The following TMPRSS9 variants were observed in gnomAD, a reference collection of about 807,000 sequenced individuals.
TMPRSS9 encodes the protein transmembrane protease serine 9.
Under a neutral mutation model 111.4 loss-of-function variants are expected in TMPRSS9, and 113 were observed. That is an observed-to-expected ratio of 1.01 (90% confidence interval 0.87 to 1.19). TMPRSS9 has a LOEUF of 1.19. TMPRSS9 is among the 50% of genes most tolerant of loss of function. TMPRSS9 has a pLI of 0.00. For missense variants in TMPRSS9, 1,803 were observed against 1,513.1 expected (o/e 1.19, Z -3.18); for synonymous variants, 805 against 659.1 (o/e 1.22, Z -3.39).
At chr19:2,371,643 G>A (rs1473050961) in intron 1 of TMPRSS9, among the ~76,000 whole-genome samples, 1 of 151,990 alleles carries the variant, frequency 6.6e-6, no homozygotes, top group East Asian at 1.9e-4. Context: ...GTTGCAGCGA[G>A]CCAACATCGT....
Position 2,396,676 on chromosome 19 carries a change from G to C in TMPRSS9, c.270+10G>C, listed in dbSNP as rs1393916783. The C allele has an allele frequency of 6.2e-7, 1 of 1,602,466 alleles. No individual in the cohort carries two copies. Among genetic ancestry groups the C allele is most frequent in the Non-Finnish European group, 8.5e-7 (1 of 1,172,606 alleles). ...CACCCTGGAGGCACTGGTGAGGGTGGTCTGTGTTTGGGGGCCAGGGAGGAA... is the reference window on the plus strand; with the variant it reads ...CACCCTGGAGGCACTGGTGAGGGTGCTCTGTGTTTGGGGGCCAGGGAGGAA... On this transcript the variant is annotated intron_variant, in intron 2 of 17. Transcript: ENST00000648592.
intron 9 of TMPRSS9, 78 bp from the exon 11 acceptor site, chr19:2,413,622 T>C: frequency 6.7e-7 from 1 of 1,486,852 alleles, no homozygotes; most frequent in South Asian, 1.3e-5. Flanking sequence ...AGCTCAGAGC[T>C]CCTTCTTGGG....
At chr19:2,418,359 C>T (rs201911388) in intron 13 of TMPRSS9, among the ~76,000 whole-genome samples, 751 of 26,232 alleles carry the variant, frequency 0.029, 33 homozygotes, top group East Asian at 0.069. Context: ...CCCTCCCTCC[C>T]TCCCTTCCCT....
chr19:2,422,002 TC>T lies in TMPRSS9; in HGVS notation c.2304del (p.Met769CysfsTer46). Reference sequence around the variant, plus strand: ...AGGCTAAAGGGCTGGATCCTGGAGATCATGTCCTCCCAGCCCCTTCCCATGT... The same window carrying T: ...AGGCTAAAGGGCTGGATCCTGGAGATATGTCCTCCCAGCCCCTTCCCATGT... On this transcript the variant is annotated frameshift_variant, in exon 14 of 18. Transcript: ENST00000648592. LOFTEE classifies it high-confidence loss of function. The T allele has an allele frequency of 1.9e-6, 3 of 1,612,980 alleles. No homozygotes were observed. In the South Asian group the frequency reaches 3.3e-5, roughly 18 times the overall value.
intron 1 of TMPRSS9, among the ~76,000 whole-genome samples, chr19:2,367,229 T>C (rs1970254233): frequency 2.0e-5 from 3 of 152,144 alleles, no homozygotes; most frequent in Non-Finnish European, 4.4e-5. Flanking sequence ...TTTGGAGATA[T>C]TTAAAAACCA....
chr19:2,360,547 G>T (rs1483858194), intron 1 of TMPRSS9, among the ~76,000 whole-genome samples, 187 bp downstream of exon 1: 2 of 152,184 alleles, frequency 1.3e-5, no homozygotes, highest in Non-Finnish European at 2.9e-5. Context: ...AGCCGGGGCT[G>T]TGTGGACGCC....
Position 2,402,461 on chromosome 19 carries a change from C to T in TMPRSS9, c.556+445C>T, listed in dbSNP as rs117277856. The stretch of plus-strand genomic sequence containing the variant: ...TGTCTCAAAAAATAATACATAAGGC[C>T]GGGCGCACTGGCTCATGCCTGTAAT... On this transcript the variant is annotated intron_variant, in intron 5 of 17. Coordinates refer to ENST00000648592, the Ensembl canonical transcript of TMPRSS9. 6.2e-3 allele frequency among the ~76,000 whole-genome samples: 940 copies of T among 151,318 alleles called. 2 individuals carry two copies. Among genetic ancestry groups the T allele is most frequent in the Non-Finnish European group, 0.011 (755 of 67,830 alleles).
chr19:2,410,316 T>G (rs749099121), exon 9 of TMPRSS9: 15 of 1,613,968 alleles, frequency 9.3e-6, no homozygotes, highest in South Asian at 2.2e-5. Context: ...AGGCACTGTG[T>G]GCCAGCTTGT....
chr19:2,415,935 C>T (rs757428786), intron 11 of TMPRSS9, 94 bp downstream of exon 12: 45 of 1,407,328 alleles, frequency 3.2e-5, no homozygotes, highest in Non-Finnish European at 4.2e-5. Flanking sequence ...GCTGCATGGA[C>T]CCCACTGGGG....
rs761089234 is a variant in TMPRSS9 at position 2,424,267 on chromosome 19, A to G, written c.2717+10A>G. On this transcript the variant is annotated intron_variant, in intron 15 of 17. Coordinates refer to ENST00000648592, the Ensembl canonical transcript of TMPRSS9. ...CGCACTGCTTCGACGTGTGAGTTCC[A>G]AACGCTCCAAATGCCCCTACATGTC... 2 of 1,354,044 alleles carry G rather than the reference A, an allele frequency of 1.5e-6. No individual in the cohort carries two copies. Among genetic ancestry groups the G allele is most frequent in the Non-Finnish European group, 1.9e-6 (2 of 1,042,448 alleles). 83.9% of individuals were successfully genotyped at this position (1,354,044 alleles called of 1,614,324 possible).
intron 3 of TMPRSS9, 46 bp downstream of exon 4, chr19:2,398,908 G>T (rs1970767166): frequency 6.5e-7 from 1 of 1,530,320 alleles, no homozygotes; most frequent in Admixed American, 2.0e-5. Flanking sequence ...GTGGACATCT[G>T]GGAGTTTCTG....
intron 14 of TMPRSS9, among the ~76,000 whole-genome samples, chr19:2,423,032 G>A (rs554132647): frequency 6.6e-6 from 1 of 151,716 alleles, no homozygotes; most frequent in Non-Finnish European, 1.5e-5. Context: ...ACTCCAGCCT[G>A]GGTGACACAG....
intron 1 of TMPRSS9, among the ~76,000 whole-genome samples, chr19:2,368,806 A>T (rs1970267835): frequency 2.6e-5 from 1 of 39,202 alleles, no homozygotes; most frequent in Non-Finnish European, 5.2e-5. Flanking sequence ...TTTTTTAAAG[A>T]CAGAGTCTCA....
intron 9 of TMPRSS9, among the ~76,000 whole-genome samples, chr19:2,410,740 C>T (rs1312111365): frequency 6.6e-6 from 1 of 152,126 alleles, no homozygotes; most frequent in East Asian, 1.9e-4. Flanking sequence ...CCTGAGTAAT[C>T]TCCCTGGCTA....
At chr19:2,414,561 C>G (rs1971177706) in intron 10 of TMPRSS9, among the ~76,000 whole-genome samples, 1 of 151,622 alleles carries the variant, frequency 6.6e-6, no homozygotes, top group Non-Finnish European at 1.5e-5. Context: ...ATTGTATTTT[C>G]AAATAGTTTG....
intron 1 of TMPRSS9, among the ~76,000 whole-genome samples, chr19:2,384,160 A>C (rs181332418): frequency 1.3e-5 from 2 of 152,080 alleles, no homozygotes; most frequent in Admixed American, 1.3e-4. Context: ...GTGGGTTTCT[A>C]ATGGGGAAAA....
upstream of TMPRSS9, among the ~76,000 whole-genome samples, chr19:2,388,533 C>A (rs544438692): frequency 6.6e-6 from 1 of 152,210 alleles, no homozygotes; most frequent in Non-Finnish European, 1.5e-5. Context: ...CCCAGAAGGG[C>A]CCAGGCCTGC....
At chr19:2,384,993 AAAAG>A (rs1358910214), upstream of TMPRSS9, among the ~76,000 whole-genome samples, 10 of 148,834 alleles carry the variant, frequency 6.7e-5, no homozygotes, top group Non-Finnish European at 1.3e-4. Flanking sequence ...AAAAAAAAAA[AAAAG>A]AGAGAAAAGC....
chr19:2,408,511 C>G (rs767529503), exon 8 of TMPRSS9: 2 of 1,613,904 alleles, frequency 1.2e-6, no homozygotes, highest in South Asian at 2.2e-5. Flanking sequence ...CTGGAGCTGA[C>G]CAGCCCTCTG....
Sources: allele counts gnomAD v4.1 joint callset (sites outside exome capture counted in the v4.1 genomes callset), GRCh38; gene constraint gnomAD v4.1.1; transcripts MANE v1.5; gene names NCBI Gene and HGNC (gene_info 2026-07-23, HGNC 2026-07-21).